The following MCPH1 variants were observed in gnomAD, a reference collection of about 807,000 sequenced individuals.
MCPH1 encodes the protein microcephalin.
MCPH1 carries 104 observed loss-of-function variants against 84.5 expected under a neutral mutation model. That is an observed-to-expected ratio of 1.23 (90% confidence interval 1.05 to 1.45). The LOEUF (loss-of-function observed/expected upper bound fraction) is 1.45. MCPH1 is among the 40% of genes most tolerant of loss of function. MCPH1 has a pLI of 0.00. For synonymous variants in MCPH1, 514 were observed against 366.8 expected (o/e 1.40, Z -4.58); for missense variants, 1,498 against 1,005.7 (o/e 1.49, Z -6.62).
intron 12 of MCPH1, among the ~76,000 whole-genome samples, chr8:6,597,271 G>A (rs573964755): frequency 9.2e-5 from 14 of 152,218 alleles, no homozygotes; most frequent in African/African-American, 3.1e-4. Flanking sequence ...CATCACTGTC[G>A]ACCCGGAGCC....
chr8:6,532,521 G>T, intron 12 of MCPH1: 1 of 1,516,390 alleles, frequency 6.6e-7, no homozygotes, highest in Non-Finnish European at 8.9e-7. Context: ...GCAGTCATTA[G>T]TCAAATGACC....
intron 2 of MCPH1, among the ~76,000 whole-genome samples, chr8:6,413,259 C>G (rs1449412359): frequency 1.1e-4 from 1 of 9,068 alleles, no homozygotes; most frequent in Admixed American, 2.7e-3. Flanking sequence ...AAGACTGATT[C>G]AGTTGTCACT....
chr8:6,421,532 A>G (rs1390142119), intron 3 of MCPH1, among the ~76,000 whole-genome samples: 1 of 152,112 alleles, frequency 6.6e-6, no homozygotes, highest in Non-Finnish European at 1.5e-5. Flanking sequence ...CCATGAGGTA[A>G]GAATGGTTAA....
chr8:6,630,239 A>C (rs1434199690), intron 13 of MCPH1, among the ~76,000 whole-genome samples: 2 of 152,202 alleles, frequency 1.3e-5, no homozygotes, highest in Admixed American at 6.5e-5. Flanking sequence ...TAAATATTAA[A>C]AATCCTGACA....
intron 12 of MCPH1, chr8:6,618,360 C>G (rs1366213781): frequency 1.3e-5 from 2 of 152,174 alleles, no homozygotes; most frequent in African/African-American, 2.4e-5. Context: ...TGGCCAAGAT[C>G]AGAATTCTGA....
At chr8:6,428,404 C>T (rs903519079) in intron 3 of MCPH1, among the ~76,000 whole-genome samples, 11 of 152,138 alleles carry the variant, frequency 7.2e-5, no homozygotes, top group African/African-American at 2.7e-4. Context: ...CTGTCATTGA[C>T]CAAAAGGTTG....
rs534113428 is a variant in MCPH1 at position 6,642,158 on chromosome 8, A to C, written c.2453-836A>C. ...GACTTCTTAAGTTCCTTCAAATGTA[A>C]CTCTGTAATTATAATTATATATTCA... On this transcript the variant is annotated intron_variant, in intron 13 of 13. Transcript: ENST00000344683. Among the ~76,000 whole-genome samples the C allele has an allele frequency of 1.0e-3, 154 of 152,262 alleles. 1 individual carries two copies. Among genetic ancestry groups the C allele is most frequent in the African/African-American group, 3.6e-3 (151 of 41,550 alleles).
chr8:6,611,989 C>G (rs909623769), intron 12 of MCPH1, among the ~76,000 whole-genome samples: 1 of 152,146 alleles, frequency 6.6e-6, no homozygotes, highest in Non-Finnish European at 1.5e-5. Flanking sequence ...TGAGTGAACC[C>G]CAGACCTTGC....
chr8:6,532,565 C>A, intron 12 of MCPH1: 1 of 903,768 alleles, frequency 1.1e-6, no homozygotes, highest in Non-Finnish European at 1.5e-6. Context: ...GTCGTCTCCT[C>A]CCTATCTTTA....
At chr8:6,421,260 C>A (rs999482822) in intron 3 of MCPH1, among the ~76,000 whole-genome samples, 3 of 152,156 alleles carry the variant, frequency 2.0e-5, no homozygotes, top group African/African-American at 7.2e-5. Context: ...AGGAAATGGC[C>A]TCTCCCTGGC....
At chr8:6,634,699 G>GC (rs1797417494) in intron 13 of MCPH1, 1 of 152,216 alleles carries the variant, frequency 6.6e-6, no homozygotes, top group South Asian at 2.1e-4. Flanking sequence ...CTGCAGAAAA[G>GC]TTGGACCGGA....
At chr8:6,429,101 G>C (rs1328978292) in intron 3 of MCPH1, among the ~76,000 whole-genome samples, 1 of 152,224 alleles carries the variant, frequency 6.6e-6, no homozygotes, top group East Asian at 1.9e-4. Flanking sequence ...CTTGATTGCA[G>C]TGTACATGAT....
At chr8:6,625,730 G>A (rs978779890) in intron 13 of MCPH1, 13 of 977,504 alleles carry the variant, frequency 1.3e-5, no homozygotes, top group Middle Eastern at 5.2e-4. Flanking sequence ...GCTGCGGTGA[G>A]CAACGATCCC....
chr8:6,493,777 G>A (rs771808235), intron 11 of MCPH1, among the ~76,000 whole-genome samples: 8 of 152,140 alleles, frequency 5.3e-5, no homozygotes, highest in Admixed American at 3.9e-4. Flanking sequence ...ATGAGACAGC[G>A]TCCCAATGAT....
intron 12 of MCPH1, among the ~76,000 whole-genome samples, chr8:6,545,934 CT>C (rs1235773248): frequency 2.0e-5 from 3 of 152,148 alleles, no homozygotes; most frequent in Admixed American, 2.0e-4. Context: ...AATAAAATAA[CT>C]TTGTTCATAT....
chr8:6,435,726 G>T (rs1279434192), intron 4 of MCPH1, among the ~76,000 whole-genome samples: 1 of 152,150 alleles, frequency 6.6e-6, no homozygotes, highest in Non-Finnish European at 1.5e-5. Flanking sequence ...ACTAGATTGG[G>T]CTGGTTTGGT....
At chr8:6,477,097 A>G (rs1808569560) in intron 9 of MCPH1, among the ~76,000 whole-genome samples, 1 of 152,230 alleles carries the variant, frequency 6.6e-6, no homozygotes, top group African/African-American at 2.4e-5. Flanking sequence ...GCAGATGTCA[A>G]TAGAACAAAT....
chr8:6,620,673 C>T (rs1301452451), intron 12 of MCPH1, among the ~76,000 whole-genome samples: 1 of 152,168 alleles, frequency 6.6e-6, no homozygotes, highest in African/African-American at 2.4e-5. Context: ...GCACATAACC[C>T]ATAGCATCTC....
chr8:6,527,687 C>G, intron 12 of MCPH1: 1 of 1,595,042 alleles, frequency 6.3e-7, no homozygotes. Flanking sequence ...CTAAATGTAA[C>G]AAAATGAAGT....
Sources: allele counts gnomAD v4.1 joint callset (sites outside exome capture counted in the v4.1 genomes callset), GRCh38; gene constraint gnomAD v4.1.1; transcripts MANE v1.5; gene names NCBI Gene and HGNC (gene_info 2026-07-23, HGNC 2026-07-21).